The following SAXO1 variants were observed in gnomAD, a reference collection of about 807,000 sequenced individuals.
The protein encoded by SAXO1 is stabilizer of axonemal microtubules 1.
A neutral mutation model predicts 17.5 loss-of-function variants in SAXO1; 21 were observed. The ratio of observed to expected loss-of-function variants is 1.20; its 90% CI spans 0.85 to 1.72. The LOEUF is 1.72. Ranked by LOEUF, SAXO1 falls within the 40% of genes most tolerant of loss-of-function variation. SAXO1 has a pLI of 0.00. For missense variants in SAXO1, 843 were observed against 596.0 expected (o/e 1.41, Z -4.32); for synonymous variants, 274 against 216.5 (o/e 1.27, Z -2.33).
At chr9:19,028,039 C>G in intron 1 of SAXO1, 1 of 1,610,526 alleles carries the variant, frequency 6.2e-7, no homozygotes, top group Non-Finnish European at 8.5e-7. Flanking sequence ...GATCGCACTG[C>G]GCAGGGGTGC....
In SAXO1 at chr9:19,049,299, G is replaced by A. The variant is rs1314455457; in HGVS notation, c.-248C>T. The A allele has an allele frequency of 4.9e-6, 1 of 206,108 alleles. No individual in the cohort carries two copies. Among genetic ancestry groups the A allele is most frequent in the Non-Finnish European group, 9.6e-6 (1 of 104,156 alleles). 12.8% of individuals were successfully genotyped at this position (206,108 alleles called of 1,614,324 possible). ...CTTAGGGCTCACGCCGCCCCGGTTAGGTTTCATTAGAGCAGCGGCTTTTCA... is the reference window on the plus strand; with the variant it reads ...CTTAGGGCTCACGCCGCCCCGGTTAAGTTTCATTAGAGCAGCGGCTTTTCA... On this transcript the variant is annotated 5_prime_UTR_variant, in exon 1 of 4. Transcript: ENST00000542071. The surrounding 1 kb of genome is among the most constrained non-coding windows in gnomAD (Gnocchi z 5.4).
intron 1 of SAXO1, among the ~76,000 whole-genome samples, chr9:19,040,187 C>T (rs1836044195): frequency 6.6e-6 from 1 of 151,998 alleles, no homozygotes; most frequent in African/African-American, 2.4e-5. Context: ...CCATTGTAAT[C>T]CAAAGGATAA....
intron 1 of SAXO1, among the ~76,000 whole-genome samples, chr9:18,999,019 C>T (rs917234302): frequency 6.6e-6 from 1 of 152,178 alleles, no homozygotes; most frequent in South Asian, 2.1e-4. Flanking sequence ...TGGTAAAGAC[C>T]ACTGATGCTA....
intron 1 of SAXO1, among the ~76,000 whole-genome samples, chr9:18,969,097 A>G (rs991302508): frequency 3.3e-5 from 5 of 152,158 alleles, no homozygotes; most frequent in Admixed American, 1.3e-4. Flanking sequence ...ATGTATACAA[A>G]TCCCTAAGCA....
chr9:19,025,576 CT>C (rs767128499), intron 1 of SAXO1, among the ~76,000 whole-genome samples: 28 of 152,318 alleles, frequency 1.8e-4, no homozygotes, highest in Non-Finnish European at 2.9e-4. Context: ...AATCCACATC[CT>C]TTTCAGCAAT....
chr9:18,964,968 T>C (rs550153103), intron 1 of SAXO1, among the ~76,000 whole-genome samples: 18 of 152,322 alleles, frequency 1.2e-4, no homozygotes, highest in African/African-American at 4.1e-4. Context: ...TTTGTTCTCA[T>C]TGGTTTCAAA....
chr9:18,986,775 A>C (rs1833611465), intron 1 of SAXO1, among the ~76,000 whole-genome samples: 1 of 152,262 alleles, frequency 6.6e-6, no homozygotes, highest in Non-Finnish European at 1.5e-5. Flanking sequence ...CAAGAGTGAC[A>C]CATCTAAGAG....
chr9:18,972,467 G>A (rs1256837805), intron 1 of SAXO1, among the ~76,000 whole-genome samples: 1 of 152,142 alleles, frequency 6.6e-6, no homozygotes, highest in Non-Finnish European at 1.5e-5. Flanking sequence ...ATGAATATTT[G>A]ACATTTGCAT....
intron 3 of SAXO1, among the ~76,000 whole-genome samples, chr9:18,940,588 C>T (rs1435955876): frequency 6.6e-6 from 1 of 152,190 alleles, no homozygotes; most frequent in Non-Finnish European, 1.5e-5. Flanking sequence ...AAAAGTGGCC[C>T]TCTCTATTCA....
At position 19,027,049 on chromosome 9, in the gene SAXO1, T is replaced by C. The variant is rs1210141964; in HGVS notation, c.38+5822A>G. The C allele has an allele frequency of 3.6e-6, 3 of 840,894 alleles. No individual in the cohort carries two copies. In the East Asian group the frequency reaches 7.5e-5, roughly 21 times the overall value. The allele number at this position is 840,894 out of a possible 1,614,324, so 52.1% of individuals were successfully genotyped here. Reference sequence around the variant, plus strand: ...AGAGTCACCCATGAGCTCCAAGCCATGAAGGACAAGATCAAAGAGAACAGT... The same window carrying C: ...AGAGTCACCCATGAGCTCCAAGCCACGAAGGACAAGATCAAAGAGAACAGT... On this transcript the variant is annotated intron_variant, in intron 1 of 3. Coordinates refer to ENST00000380534, the MANE Select transcript of SAXO1 (RefSeq NM_153707.4).
At chr9:18,948,758 C>G (rs963916387) in intron 2 of SAXO1, among the ~76,000 whole-genome samples, 4 of 152,132 alleles carry the variant, frequency 2.6e-5, no homozygotes, top group African/African-American at 7.2e-5. Flanking sequence ...AACAAAGCAA[C>G]CTGCAACAAC....
intron 1 of SAXO1, among the ~76,000 whole-genome samples, chr9:18,957,136 G>A (rs1278047649): frequency 2.6e-5 from 4 of 152,064 alleles, no homozygotes; most frequent in African/African-American, 9.7e-5. Flanking sequence ...GCTACACTCA[G>A]AGTCTTCCAA....
At chr9:18,934,591 C>T (rs1342598668) in intron 3 of SAXO1, among the ~76,000 whole-genome samples, 1 of 152,056 alleles carries the variant, frequency 6.6e-6, no homozygotes, top group East Asian at 1.9e-4. Flanking sequence ...ATATGCTTTC[C>T]TGTTATTCTT....
intron 1 of SAXO1, among the ~76,000 whole-genome samples, chr9:18,998,492 G>T (rs1003292239): frequency 8.5e-5 from 13 of 152,178 alleles, no homozygotes; most frequent in Non-Finnish European, 1.6e-4. Context: ...TGTCTGATTG[G>T]TGTACCTGAA....
chr9:18,960,738 C>A (rs1475859946), intron 1 of SAXO1, among the ~76,000 whole-genome samples: 1 of 152,078 alleles, frequency 6.6e-6, no homozygotes, highest in African/African-American at 2.4e-5. Context: ...CTGTGTTCGG[C>A]CCCCTGCACT....
At position 18,952,804 on chromosome 9, in the gene SAXO1, C is replaced by A. The variant is rs147602561; in HGVS notation, c.39-1867G>T. ...GTTAAATACAATCAAGAAAAGTGTG[C>A]TTTTTCTTTTTCAGCATGCACATTC... On this transcript the variant is annotated intron_variant, in intron 1 of 3. Coordinates refer to ENST00000380534, the MANE Select transcript of SAXO1 (RefSeq NM_153707.4). Among the ~76,000 whole-genome samples, 380 of 152,194 alleles carry A rather than the reference C, an allele frequency of 2.5e-3. 1 individual carries two copies. The highest frequency in any genetic ancestry group is 8.7e-3 in the African/African-American group (363 of 41,562).
chr9:18,931,699 T>A (rs954508224), intron 3 of SAXO1, among the ~76,000 whole-genome samples: 2 of 152,230 alleles, frequency 1.3e-5, no homozygotes, highest in Admixed American at 1.3e-4. Context: ...TCTGTGTTTT[T>A]AAATTATTAT....
chr9:19,021,769 G>A (rs1227391066), intron 1 of SAXO1, among the ~76,000 whole-genome samples: 1 of 152,204 alleles, frequency 6.6e-6, no homozygotes, highest in African/African-American at 2.4e-5. Flanking sequence ...TCAGCACTCT[G>A]TAAAACTGCA....
At chr9:18,933,861 A>G (rs1199728219) in intron 3 of SAXO1, among the ~76,000 whole-genome samples, 2 of 152,134 alleles carry the variant, frequency 1.3e-5, no homozygotes, top group South Asian at 2.1e-4. Flanking sequence ...CCTGGCCAAC[A>G]TGGTGAAACC....
Sources: gnomAD v4.1 joint callset for allele counts (sites outside exome capture counted in the v4.1 genomes callset) on GRCh38, gnomAD v4.1.1 for gene constraint, Gnocchi (gnomAD v3.1) non-coding constraint, MANE v1.5 for transcripts, NCBI Gene and HGNC (gene_info 2026-07-23, HGNC 2026-07-21) for gene names.